CATSPERD: variants seen among roughly 807,000 people sequenced by gnomAD.
The protein encoded by CATSPERD is cation channel sperm-associated auxiliary subunit delta.
CATSPERD carries 86 observed loss-of-function variants against 98.1 expected under a neutral mutation model. The ratio of observed to expected loss-of-function variants is 0.88; its 90% confidence interval spans 0.74 to 1.05. The LOEUF (loss-of-function observed/expected upper bound fraction) is 1.05, where lower values mean the gene tolerates loss of function less well. Among genes scored for constraint, CATSPERD ranks in the 50% least tolerant of loss-of-function variants. The probability of loss-of-function intolerance (pLI) is 0.00; values close to 1 mark genes in which losing one functional copy is unlikely to be tolerated. For missense variants in CATSPERD, 995 were observed against 1,005.7 expected, an observed-to-expected ratio of 0.99 and a Z score of 0.14; for synonymous variants, 394 against 390.2, an observed-to-expected ratio of 1.01 and a Z score of -0.12.
chr19:5,736,425 C>A (rs190348460), intron 5 of CATSPERD, among the ~76,000 whole-genome samples: 2 of 152,212 alleles, frequency 1.3e-5, no homozygotes, highest in East Asian at 3.9e-4. Flanking sequence ...CTGTTCTGAA[C>A]TTTTCTCCAG....
intron 3 of CATSPERD, among the ~76,000 whole-genome samples, chr19:5,727,919 A>G (rs931699328): frequency 1.3e-5 from 2 of 151,538 alleles, no homozygotes; most frequent in African/African-American, 4.8e-5. Context: ...GGCCAGGTGC[A>G]GTGACTCATG....
At chr19:5,733,347 T>TCTTCCTTC (rs61055847) in intron 4 of CATSPERD, among the ~76,000 whole-genome samples, 2 of 135,136 alleles carry the variant, frequency 1.5e-5, no homozygotes, top group East Asian at 2.1e-4. Context: ...TTTCTTTCTT[T>TCTTCCTTC]CTTCCTTCCT....
intron 3 of CATSPERD, among the ~76,000 whole-genome samples, chr19:5,727,866 G>A (rs1190587691): frequency 6.6e-6 from 1 of 151,934 alleles, no homozygotes; most frequent in Non-Finnish European, 1.5e-5. Flanking sequence ...ACTCCTGTTT[G>A]TATTCAAGAC....
chr19:5,731,796 C>T (rs577014832), intron 4 of CATSPERD, among the ~76,000 whole-genome samples: 4 of 150,830 alleles, frequency 2.7e-5, no homozygotes, highest in Admixed American at 2.0e-4. Context: ...AGGATGGTCT[C>T]GATCTCCTGA....
At chr19:5,742,139 C>G (rs556981154) in intron 7 of CATSPERD, among the ~76,000 whole-genome samples, 2 of 140,586 alleles carry the variant, frequency 1.4e-5, no homozygotes, top group Non-Finnish European at 3.2e-5. Flanking sequence ...CGTGTGTGCG[C>G]GTGTGTACGT....
rs373514302 is a variant in CATSPERD, at chr19:5,751,839, T to C, written c.1164+16T>C. ...AAAGTGCAAGGTATGTGATCCTAAC[T>C]GTTTTGATCAATGTTCAATGTAGTT... On this transcript the variant is annotated intron_variant, in intron 12 of 21. Transcript: ENST00000381624. The C allele has an allele frequency of 1.6e-5, 26 of 1,597,818 alleles. 1 individual carries two copies. Among genetic ancestry groups the C allele is most frequent in the Admixed American group, 1.2e-4 (7 of 58,476 alleles).
At chr19:5,739,479 T>C (rs757232157) in intron 7 of CATSPERD, 40 bp downstream of exon 7, 12 of 1,140,966 alleles carry the variant, frequency 1.1e-5, no homozygotes, top group Middle Eastern at 2.0e-4. Flanking sequence ...TAAATACATA[T>C]GTACCTTGTG....
Position 5,744,462 on chromosome 19 carries a change from C to CT in CATSPERD, c.616dup (p.Ser206PhefsTer33), listed in dbSNP as rs2056056927. 2 of 1,612,444 alleles carry CT rather than the reference C, an allele frequency of 1.2e-6. No homozygotes were observed. Among genetic ancestry groups the CT allele is most frequent in the African/African-American group, 1.3e-5 (1 of 74,868 alleles). ...TTGGGTCTTTAGGCGGAATCTTCCA[C>CT]TTTTTTTCTTTGTCACAGGTTGCGA... On this transcript the variant is annotated frameshift_variant, in exon 8 of 22. Coordinates refer to ENST00000381624, the MANE Select transcript of CATSPERD (RefSeq NM_152784.4). LOFTEE classifies it high-confidence loss of function.
At chr19:5,760,484 G>A (rs1407512638) in intron 15 of CATSPERD, among the ~76,000 whole-genome samples, 14 of 151,564 alleles carry the variant, frequency 9.2e-5, no homozygotes, top group African/African-American at 2.9e-4. Flanking sequence ...AGTGCAATAA[G>A]CCGGATACAA....
chr19:5,771,940 GC>G (rs2056651702), intron 19 of CATSPERD, among the ~76,000 whole-genome samples: 1 of 151,834 alleles, frequency 6.6e-6, no homozygotes. Context: ...ACCTCATATA[GC>G]TTTTCTTTTT....
At position 5,720,645 on chromosome 19, in the gene CATSPERD, G is replaced by GCA; in HGVS notation, c.-92_-91dup. ...GCCCGCTCCCGGGACTCATTGATGC[G>GCA]CATGCGCAGGGCTTCAGCCTGCACG... is the stretch of plus-strand genomic sequence containing the variant. On this transcript the variant is annotated 5_prime_UTR_variant, in exon 1 of 22. It adds an upstream start codon to the 5' untranslated region. Transcript: ENST00000381624. 1 of 1,259,754 alleles carries GCA rather than the reference G, an allele frequency of 7.9e-7. No individual in the cohort carries two copies. Among genetic ancestry groups the GCA allele is most frequent in the South Asian group, 1.3e-5 (1 of 79,374 alleles). The allele number at this position is 1,259,754 out of a possible 1,614,324, so 78.0% of individuals were successfully genotyped here. A position where few individuals can be genotyped will look rare whatever the true frequency, so the allele number is the denominator to read the frequency against.
At chr19:5,730,079 T>A in intron 4 of CATSPERD, 135 bp downstream of exon 4, 1 of 540,882 alleles carries the variant, frequency 1.8e-6, no homozygotes, top group Non-Finnish European at 3.3e-6. Flanking sequence ...TTCAAGACAT[T>A]AAGGGCAATT....
At chr19:5,748,429 G>A (rs72983135) in intron 10 of CATSPERD, among the ~76,000 whole-genome samples, 174 bp downstream of exon 10, 46,509 of 151,314 alleles carry the variant, frequency 0.31, 8,042 homozygotes, top group East Asian at 0.68. Context: ...TCAGGAGTTC[G>A]AGACCAGCCT....
intron 11 of CATSPERD, among the ~76,000 whole-genome samples, chr19:5,749,426 A>C (rs1396987602): frequency 1.3e-5 from 2 of 152,140 alleles, no homozygotes; most frequent in Non-Finnish European, 2.9e-5. Context: ...TGGAAGGCAG[A>C]GTAAGACTCT....
chr19:5,724,656 G>A (rs1358796844), intron 1 of CATSPERD, 152 bp from the exon 2 acceptor site: 2 of 692,428 alleles, frequency 2.9e-6, no homozygotes, highest in Non-Finnish European at 5.0e-6. Context: ...CCAAGATCTT[G>A]CCACTGCACT....
Position 5,737,209 on chromosome 19 carries a change from AGTATAAGT to A in CATSPERD, c.459+11_459+18del. 1.9e-6 allele frequency: 3 copies of A among 1,589,538 alleles called. No individual in the cohort carries two copies. The highest frequency in any genetic ancestry group is 8.6e-7 in the Non-Finnish European group (1 of 1,157,930). Reference sequence around the variant, plus strand: ...TACTGGAAGTTTGTTTTGTGTGGTAAGTATAAGTGTATAATTGTTCATTTTTTTTTGCT... The same window carrying A: ...TACTGGAAGTTTGTTTTGTGTGGTAAGTATAATTGTTCATTTTTTTTTGCT... On this transcript the variant is annotated splice_donor_5th_base_variant and intron_variant, in intron 6 of 21. Coordinates refer to ENST00000381624, the MANE Select transcript of CATSPERD (RefSeq NM_152784.4).
chr19:5,754,032 G>A, intron 12 of CATSPERD, 100 bp from the exon 13 acceptor site: 1 of 764,636 alleles, frequency 1.3e-6, no homozygotes, highest in South Asian at 1.5e-5. Context: ...GGAGATTCAG[G>A]CTGCAGGACC....
intron 17 of CATSPERD, among the ~76,000 whole-genome samples, chr19:5,766,743 A>C (rs371345086): frequency 2.0e-5 from 3 of 150,474 alleles, no homozygotes; most frequent in East Asian, 4.0e-4. Flanking sequence ...CCCAGGCTGG[A>C]GTGCAGTGGC....
At chr19:5,725,476 G>A (rs1285545748) in intron 2 of CATSPERD, among the ~76,000 whole-genome samples, 4 of 152,046 alleles carry the variant, frequency 2.6e-5, no homozygotes, top group African/African-American at 9.7e-5. Context: ...AAAATGCATA[G>A]TAACAGTAGA....
Sources: allele counts gnomAD v4.1 joint callset (sites outside exome capture counted in the v4.1 genomes callset), GRCh38; gene constraint gnomAD v4.1.1; transcripts MANE v1.5; gene names NCBI Gene and HGNC (gene_info 2026-07-23, HGNC 2026-07-21).